XPNPEP3: variants seen among roughly 807,000 people sequenced by gnomAD.
XPNPEP3 encodes the protein X-prolyl aminopeptidase 3.
A neutral mutation model predicts 60.0 loss-of-function variants in XPNPEP3; 41 were observed. That is an observed-to-expected ratio of 0.68 (90% CI 0.53 to 0.89). The LOEUF is 0.89. XPNPEP3 is among the 40% of genes least tolerant of loss of function. The pLI, the probability that XPNPEP3 is intolerant of heterozygous loss-of-function variation, is 0.00. For synonymous variants in XPNPEP3, 212 were observed against 223.2 expected (o/e 0.95, Z 0.45); for missense variants, 598 against 638.9 (o/e 0.94, Z 0.69).
At chr22:40,914,446 C>A in intron 7 of XPNPEP3, 122 bp downstream of exon 7, 1 of 787,006 alleles carries the variant, frequency 1.3e-6, no homozygotes, top group Non-Finnish European at 2.1e-6. Context: ...AGTTAGGTTG[C>A]AAAGCTCCTT....
At chr22:40,898,225 A>ATTTTTTTTTTTTTTTTTTTTTTTTTT in intron 4 of XPNPEP3, among the ~76,000 whole-genome samples, 1 of 28,768 alleles carries the variant, frequency 3.5e-5, no homozygotes, top group Non-Finnish European at 6.2e-5. Flanking sequence ...TCTTTGACCC[A>ATTTTTTTTTTTTTTTTTTTTTTTTTT]TTTTTTTTTT....
chr22:40,931,979 T>G lies in XPNPEP3; in HGVS notation c.*5544T>G, dbSNP rs933637545. The G allele has an allele frequency of 2.0e-5, 3 of 152,200 alleles. No individual in the cohort carries two copies. The highest frequency in any genetic ancestry group is 7.2e-5 in the African/African-American group (3 of 41,462). 9.4% of individuals were successfully genotyped at this position (152,200 alleles called of 1,614,324 possible). A position where few individuals can be genotyped will look rare whatever the true frequency, so the allele number is the denominator to read the frequency against. On this transcript the variant is annotated 3_prime_UTR_variant, in exon 10 of 10. Transcript: ENST00000357137. ...AAAACAGAAAAATGTACCTTTGTTA[T>G]GTCTTTCCAAATATCCACACCCACA...
chr22:40,886,682 C>A (rs1031508464), intron 4 of XPNPEP3, among the ~76,000 whole-genome samples, 167 bp downstream of exon 4: 7 of 151,796 alleles, frequency 4.6e-5, no homozygotes, highest in Admixed American at 2.6e-4. Context: ...AAAAAATTAG[C>A]CGGGCATGGT....
chr22:40,906,460 T>G (rs978455781), intron 4 of XPNPEP3, among the ~76,000 whole-genome samples: 1 of 151,788 alleles, frequency 6.6e-6, no homozygotes, highest in Admixed American at 6.6e-5. Flanking sequence ...AGTGTGGTTA[T>G]CACAGAGAAT....
intron 6 of XPNPEP3, among the ~76,000 whole-genome samples, chr22:40,910,533 T>C (rs946642578): frequency 2.0e-5 from 3 of 150,478 alleles, no homozygotes; most frequent in Non-Finnish European, 4.4e-5. Flanking sequence ...AGCAAAACCC[T>C]ATCTCTACAA....
Position 40,869,041 on chromosome 22 carries a change from T to C in XPNPEP3, c.107T>C (p.Val36Ala). The change falls in exon 2 of 10, where the codon GTC becomes GCC. Residue 36 changes from valine to alanine, a missense_variant. Coordinates refer to ENST00000357137, the MANE Select transcript of XPNPEP3 (RefSeq NM_022098.4). ...CAGCGAAGGTACTCCCTTCAGCCTG[T>C]CCCAGAAAGGAGGATTCCAAACCGA... ...CSQRRYSLQP[V>A]PERRIPNRYL... is the part of the protein sequence containing the mutation. 1 of 1,614,120 alleles carries C rather than the reference T, an allele frequency of 6.2e-7. No individual in the cohort carries two copies. Among genetic ancestry groups the C allele is most frequent in the Non-Finnish European group, 8.5e-7 (1 of 1,179,992 alleles).
intron 4 of XPNPEP3, among the ~76,000 whole-genome samples, chr22:40,906,199 C>G (rs779111668): frequency 6.6e-6 from 1 of 152,072 alleles, no homozygotes; most frequent in Non-Finnish European, 1.5e-5. Context: ...TCTCAGCGTC[C>G]TGAAGTGCTG....
rs1035826478 is a variant in XPNPEP3 at position 40,927,534 on chromosome 22, G to T, written c.*1099G>T. 4 of 151,744 alleles carry T rather than the reference G, an allele frequency of 2.6e-5. No homozygotes were observed. Among genetic ancestry groups the T allele is most frequent in the Non-Finnish European group, 5.9e-5 (4 of 67,942 alleles). The allele number at this position is 151,744 out of a possible 1,614,324, so 9.4% of individuals were successfully genotyped here. ...TGCCATCTTTTCTCTTCAATTTAAA[G>T]TTGATTTCTTAATGATGACTTCAAA... is the stretch of plus-strand genomic sequence containing the variant. On this transcript the variant is annotated 3_prime_UTR_variant, in exon 10 of 10. Coordinates refer to ENST00000357137, the MANE Select transcript of XPNPEP3 (RefSeq NM_022098.4).
intron 4 of XPNPEP3, among the ~76,000 whole-genome samples, chr22:40,895,092 C>T (rs2058102544): frequency 6.6e-6 from 1 of 152,118 alleles, no homozygotes; most frequent in South Asian, 2.1e-4. Context: ...CAGAATTGCC[C>T]TCAGTTCTAG....
At chr22:40,876,914 A>G (rs1314823136) in intron 2 of XPNPEP3, among the ~76,000 whole-genome samples, 1 of 152,236 alleles carries the variant, frequency 6.6e-6, no homozygotes, top group African/African-American at 2.4e-5. Flanking sequence ...CGAATTTCAC[A>G]GATCTTACAT....
At chr22:40,892,376 G>A (rs907642868) in intron 4 of XPNPEP3, among the ~76,000 whole-genome samples, 11 of 151,968 alleles carry the variant, frequency 7.2e-5, no homozygotes, top group Non-Finnish European at 1.3e-4. Context: ...TAGTAGAGAC[G>A]GGGTTTCACC....
chr22:40,882,288 C>G (rs563406354), intron 3 of XPNPEP3, 111 bp downstream of exon 3: 1 of 1,137,026 alleles, frequency 8.8e-7, no homozygotes, highest in African/African-American at 1.6e-5. Context: ...ATGAAAAGAC[C>G]ATGAGCACCA....
At position 40,926,505 on chromosome 22, in the gene XPNPEP3, TC is replaced by T. The variant is rs1262361345; in HGVS notation, c.*71del. The T allele has an allele frequency of 1.3e-6, 2 of 1,540,176 alleles. No homozygotes were observed. Among genetic ancestry groups the T allele is most frequent in the Non-Finnish European group, 9.0e-7 (1 of 1,114,634 alleles). On this transcript the variant is annotated 3_prime_UTR_variant, in exon 10 of 10. Transcript: ENST00000357137. ...TTCTGGCAGCCCTGCACGTGTGCTT[TC>T]TGAGTGTCTCTGTGTGTGCATTAAT...
chr22:40,905,395 AT>A (rs1268388485), intron 4 of XPNPEP3, among the ~76,000 whole-genome samples: 1 of 151,984 alleles, frequency 6.6e-6, no homozygotes, highest in African/African-American at 2.4e-5. Context: ...ATTGATTTTA[AT>A]TGTTCATTAT....
At chr22:40,865,405 T>C (rs1292901555) in intron 1 of XPNPEP3, among the ~76,000 whole-genome samples, 1 of 149,376 alleles carries the variant, frequency 6.7e-6, no homozygotes, top group Non-Finnish European at 1.5e-5. Context: ...CTCGGCTCAC[T>C]GCAACCTCTA....
At position 40,881,991 on chromosome 22, in the gene XPNPEP3, G is replaced by T; in HGVS notation, c.403G>T (p.Val135Phe). 1 of 1,613,978 alleles carries T rather than the reference G, an allele frequency of 6.2e-7. No homozygotes were observed. The highest frequency in any genetic ancestry group is 8.5e-7 in the Non-Finnish European group (1 of 1,180,008). ...ATTCCAAGAGCCTGATAGCATTCTT[G>T]TCCTTCAGAGCCTCCCTGGCAAACA... The part of the protein sequence containing the change: ...CGFQEPDSIL[V>F]LQSLPGKQLP... The change falls in exon 3 of 10, where the codon GTC (valine) becomes TTC (phenylalanine). Residue 135 changes from valine (V) to phenylalanine (F), a missense_variant. Val to Phe is a conservative substitution (Grantham distance 50). Transcript: ENST00000357137.
intron 2 of XPNPEP3, 142 bp from the exon 3 acceptor site, chr22:40,881,627 AT>A: frequency 1.0e-6 from 1 of 992,280 alleles, no homozygotes; most frequent in Non-Finnish European, 1.5e-6. Context: ...AAACCTGGTT[AT>A]CTCCTTAATT....
At chr22:40,873,098 C>CTTTTTTTTT (rs138353) in intron 2 of XPNPEP3, among the ~76,000 whole-genome samples, 12 of 88,498 alleles carry the variant, frequency 1.4e-4, no homozygotes, top group Non-Finnish European at 1.5e-4. Context: ...TTTTCTTTTT[C>CTTTTTTTTT]TTTTTTTTTT....
chr22:40,879,928 G>C (rs1393109636), intron 2 of XPNPEP3, among the ~76,000 whole-genome samples: 2 of 149,972 alleles, frequency 1.3e-5, no homozygotes, highest in African/African-American at 4.9e-5. Context: ...TTGGGTGGCT[G>C]AGGCACAAGA....
Sources: gnomAD v4.1 joint callset for allele counts (sites outside exome capture counted in the v4.1 genomes callset) on GRCh38, gnomAD v4.1.1 for gene constraint, MANE v1.5 for transcripts, NCBI Gene and HGNC (gene_info 2026-07-23, HGNC 2026-07-21) for gene names.